VPS53: variants seen among roughly 807,000 people sequenced by gnomAD.
VPS53 encodes VPS53 subunit of GARP complex.
VPS53 carries 70 observed loss-of-function variants against 107.0 expected under a neutral mutation model. The ratio of observed to expected loss-of-function variants is 0.65; its 90% CI spans 0.54 to 0.80. VPS53 has a LOEUF of 0.80. Ranked by LOEUF, VPS53 falls within the 30% of genes least tolerant of loss-of-function variation. VPS53 has a pLI of 0.00. For missense variants in VPS53, 917 were observed against 1,049.4 expected (o/e 0.87, Z 1.74); for synonymous variants, 409 against 393.3 (o/e 1.04, Z -0.47).
Position 562,716 on chromosome 17 carries a change from A to G in VPS53, c.1343T>C (p.Val448Ala), listed in dbSNP as rs201160838. The G allele has an allele frequency of 4.0e-5, 65 of 1,613,812 alleles. 1 individual carries two copies. In the East Asian group the frequency reaches 1.3e-3, roughly 32 times the overall value. ...TGGCCCCTGGGCTTTGAAATCAGCC[A>G]CAAACCGATCTATCAGCTCTCCGAG... is the stretch of plus-strand genomic sequence containing the variant. ...KNLGELIDRFVADFKAQGPPK... is the reference protein window; with the variant it reads ...KNLGELIDRFAADFKAQGPPK... Residue 448 changes from valine (V) to alanine (A), a missense_variant, in exon 14 of 22, where the codon GTG becomes GCG. By Grantham distance (64) the Val-to-Ala change is moderately conservative (BLOSUM62 0). Transcript: ENST00000437048.
At chr17:597,992 T>TCTCCCTCTCCCTC (rs1428935055) in intron 12 of VPS53, among the ~76,000 whole-genome samples, 3 of 3,296 alleles carry the variant, frequency 9.1e-4, no homozygotes, top group Non-Finnish European at 2.5e-3. Context: ...TCCCTCTCCC[T>TCTCCCTCTCCCTC]CTCTTTCCAC....
chr17:657,974 A>G (rs866528441), intron 5 of VPS53, among the ~76,000 whole-genome samples: 22 of 142,182 alleles, frequency 1.5e-4, no homozygotes, highest in Middle Eastern at 3.8e-3. Context: ...GAGTTCGTGG[A>G]TAGATACATC....
chr17:597,962 C>CTCTCCCTCTCCCCACGG (rs11276396), intron 12 of VPS53, among the ~76,000 whole-genome samples: 135,808 of 141,280 alleles, frequency 0.96, 65,304 homozygotes, highest in Admixed American at 0.97. Flanking sequence ...CTCCCTCTCC[C>CTCTCCCTCTCCCCACGG]TCTCCCTCTC....
intron 7 of VPS53, among the ~76,000 whole-genome samples, chr17:650,749 A>G (rs1970910731): frequency 6.6e-6 from 1 of 152,206 alleles, no homozygotes. Flanking sequence ...GTCCCAGAGA[A>G]ATACTTGCAT....
At chr17:594,594 C>T (rs1284358322) in intron 12 of VPS53, among the ~76,000 whole-genome samples, 1 of 150,514 alleles carries the variant, frequency 6.6e-6, no homozygotes, top group Non-Finnish European at 1.5e-5. Flanking sequence ...TGATGATGCA[C>T]TCTAGTGCCC....
At chr17:567,209 C>T (rs1913608485) in intron 13 of VPS53, among the ~76,000 whole-genome samples, 1 of 152,192 alleles carries the variant, frequency 6.6e-6, no homozygotes, top group Non-Finnish European at 1.5e-5. Flanking sequence ...GATCATACAG[C>T]ATAAAGAAAA....
chr17:612,732 G>A (rs1357554809), intron 11 of VPS53, among the ~76,000 whole-genome samples: 5 of 135,266 alleles, frequency 3.7e-5, no homozygotes, highest in East Asian at 2.4e-4. Context: ...TTCACACAGC[G>A]AAAACCTGTA....
rs73283529 is a variant in VPS53 at position 695,675 on chromosome 17, C to T, written c.285+1743G>A. ...GCTGATCTTCCTGTCTCGGCCTCCT[C>T]AGTAGCTGGGACTACAGGCACAGGC... On this transcript the variant is annotated intron_variant, in intron 4 of 21. Coordinates refer to ENST00000437048, the MANE Select transcript of VPS53 (RefSeq NM_001128159.3). Among the ~76,000 whole-genome samples, 1,504 of 152,124 alleles carry T rather than the reference C, an allele frequency of 9.9e-3. 25 individuals are homozygous for T. The highest frequency in any genetic ancestry group is 0.034 in the African/African-American group (1,406 of 41,478).
In VPS53 at chr17:519,624, C is replaced by T. The variant is rs1908568828; in HGVS notation, c.2328+202G>A. Among the ~76,000 whole-genome samples, 1 of 152,198 alleles carries T rather than the reference C, an allele frequency of 6.6e-6. No individual in the cohort carries two copies. The highest frequency in any genetic ancestry group is 2.1e-4 in the South Asian group (1 of 4,830). ...CCCTGTGCAGGTGGTCTCAGCGGGG[C>T]ATGCAGGGCCTGTCAGAATCCTGAA... is the stretch of plus-strand genomic sequence containing the variant. On this transcript the variant is annotated intron_variant, in intron 21 of 21. Transcript: ENST00000437048. The surrounding 1 kb of genome is among the most constrained non-coding windows in gnomAD (Gnocchi z 5.0).
At chr17:617,610 C>T (rs960214728) in intron 11 of VPS53, among the ~76,000 whole-genome samples, 1 of 149,964 alleles carries the variant, frequency 6.7e-6, no homozygotes, top group Non-Finnish European at 1.5e-5. Flanking sequence ...CGCCATCAGG[C>T]CCCGCTATTA....
At chr17:632,694 G>A in intron 7 of VPS53, 2 of 456,200 alleles carry the variant, frequency 4.4e-6, no homozygotes, top group Non-Finnish European at 8.8e-6. Flanking sequence ...GGGACCCAGC[G>A]TTCTACTCGC....
chr17:579,519 C>T (rs913537660), intron 13 of VPS53, among the ~76,000 whole-genome samples: 1 of 151,528 alleles, frequency 6.6e-6, no homozygotes, highest in African/African-American at 2.4e-5. Context: ...CCCTCACAAT[C>T]TCAGTGCATT....
At chr17:585,789 C>T (rs887391441) in intron 13 of VPS53, among the ~76,000 whole-genome samples, 1 of 152,104 alleles carries the variant, frequency 6.6e-6, no homozygotes, top group Non-Finnish European at 1.5e-5. Context: ...ATTACCTTCT[C>T]GATTTTGGTA....
At chr17:680,277 A>C (rs370242045) in intron 4 of VPS53, among the ~76,000 whole-genome samples, 25 of 152,276 alleles carry the variant, frequency 1.6e-4, no homozygotes, top group African/African-American at 5.8e-4. Context: ...CTGGGTGACA[A>C]AGCGAGATTC....
At chr17:682,288 C>T (rs1972423020) in intron 4 of VPS53, among the ~76,000 whole-genome samples, 1 of 152,148 alleles carries the variant, frequency 6.6e-6, no homozygotes, top group Non-Finnish European at 1.5e-5. Context: ...ACCCGCTGAT[C>T]AGCTGTGCTT....
intron 4 of VPS53, among the ~76,000 whole-genome samples, chr17:684,316 C>T (rs1972506087): frequency 6.8e-6 from 1 of 148,090 alleles, no homozygotes; most frequent in South Asian, 2.1e-4. Context: ...CAAAAGCCTA[C>T]AAAAAAAAAA....
At chr17:542,069 G>A (rs538724383) in intron 17 of VPS53, among the ~76,000 whole-genome samples, 3 of 152,264 alleles carry the variant, frequency 2.0e-5, no homozygotes, top group South Asian at 2.1e-4. Context: ...CACCTACCAC[G>A]CACTGAAGGA....
At chr17:598,480 G>A (rs1407093169) in intron 12 of VPS53, among the ~76,000 whole-genome samples, 1 of 150,502 alleles carries the variant, frequency 6.6e-6, no homozygotes, top group Non-Finnish European at 1.5e-5. Flanking sequence ...AGTGAGGAGC[G>A]TCTCCGCCCG....
intron 13 of VPS53, among the ~76,000 whole-genome samples, chr17:573,571 G>C (rs1914358148): frequency 6.6e-6 from 1 of 152,178 alleles, no homozygotes; most frequent in Non-Finnish European, 1.5e-5. Flanking sequence ...TCCTGAAAAA[G>C]ATGAGAGGGA....
Sources: allele counts gnomAD v4.1 joint callset (sites outside exome capture counted in the v4.1 genomes callset), GRCh38; gene constraint gnomAD v4.1.1; non-coding constraint Gnocchi (gnomAD v3.1); transcripts MANE v1.5; gene names NCBI Gene and HGNC (gene_info 2026-07-23, HGNC 2026-07-21).